NLRP2: variants seen among roughly 807,000 people sequenced by gnomAD.
NLRP2 encodes NLR family pyrin domain containing 2.
Under a neutral mutation model 97.2 loss-of-function variants are expected in NLRP2, and 107 were observed. That is an observed-to-expected ratio of 1.10 (90% CI 0.94 to 1.29). NLRP2 has a LOEUF of 1.29. Among genes scored for constraint, NLRP2 ranks in the 50% most tolerant of loss-of-function variants. NLRP2 has a pLI of 0.00. For synonymous variants in NLRP2, 663 were observed against 551.5 expected, an observed-to-expected ratio of 1.20 and a Z score of -2.83; for missense variants, 1,495 against 1,330.3, an observed-to-expected ratio of 1.12 and a Z score of -1.93.
At chr19:54,977,921 CTT>C in intron 4 of NLRP2, 98 bp downstream of exon 4, 2 of 1,101,242 alleles carry the variant, frequency 1.8e-6, no homozygotes, top group South Asian at 1.3e-5. Context: ...TCTCTCCAAT[CTT>C]TTCCTCCACT....
chr19:54,973,531 A>G (rs1356819432), intron 2 of NLRP2, among the ~76,000 whole-genome samples: 1 of 151,730 alleles, frequency 6.6e-6, no homozygotes, highest in East Asian at 1.9e-4. Flanking sequence ...GCCTACCACC[A>G]TGCCCGCTAA....
chr19:54,998,631 C>CTTTTTTTT (rs1179005483), intron 12 of NLRP2, among the ~76,000 whole-genome samples: 9 of 61,124 alleles, frequency 1.5e-4, no homozygotes, highest in South Asian at 6.8e-4. Flanking sequence ...TTTTTTTTTC[C>CTTTTTTTT]TTTTTTTTTT....
chr19:54,998,644 T>G, intron 12 of NLRP2, among the ~76,000 whole-genome samples: 1 of 138,278 alleles, frequency 7.2e-6, no homozygotes, highest in Non-Finnish European at 1.6e-5. Flanking sequence ...TTTTTTTTTT[T>G]TTTTTTTTAT....
intron 3 of NLRP2, 74 bp from the exon 4 acceptor site, chr19:54,977,678 G>A: frequency 1.2e-5 from 17 of 1,400,680 alleles, no homozygotes; most frequent in South Asian, 2.3e-5. Context: ...GAGACTCAGG[G>A]GTCCAACTTG....
intron 12 of NLRP2, among the ~76,000 whole-genome samples, chr19:54,999,293 A>G (rs1007049210): frequency 6.6e-6 from 1 of 152,186 alleles, no homozygotes; most frequent in Non-Finnish European, 1.5e-5. Flanking sequence ...GACTACAGGC[A>G]TGTGCCACCA....
At chr19:54,991,965 C>T (rs1246942704) in intron 10 of NLRP2, among the ~76,000 whole-genome samples, 1 of 146,536 alleles carries the variant, frequency 6.8e-6, no homozygotes, top group Non-Finnish European at 1.5e-5. Flanking sequence ...TACTCTTGCC[C>T]ACGCTGGCAA....
chr19:54,966,825 C>CTTTTTTTTTTTTTTTTTTTTTT (rs1044701142), intron 1 of NLRP2, among the ~76,000 whole-genome samples: 7 of 74,996 alleles, frequency 9.3e-5, no homozygotes, highest in Non-Finnish European at 9.6e-5. Context: ...CGCGCCCAGC[C>CTTTTTTTTTTTTTTTTTTTTTT]TTTTTTTTTT....
intron 11 of NLRP2, among the ~76,000 whole-genome samples, chr19:54,996,699 G>A (rs888558430): frequency 6.6e-6 from 1 of 151,720 alleles, no homozygotes; most frequent in African/African-American, 2.4e-5. Context: ...TCTATTTTAC[G>A]TGTCAGTCAC....
chr19:54,984,658 C>G (rs1389828168), intron 6 of NLRP2, among the ~76,000 whole-genome samples: 1 of 150,674 alleles, frequency 6.6e-6, no homozygotes, highest in African/African-American at 2.4e-5. Flanking sequence ...AATTTTTGTA[C>G]TTTTAGTAGA....
Position 54,989,962 on chromosome 19 carries a change from A to G in NLRP2, c.2367-60A>G, listed in dbSNP as rs572018390. ...GCCGAGATTGCGCCACCTGGGCAAC[A>G]AGAGTGAGACTCAGTCTCAAAAAAA... On this transcript the variant is annotated intron_variant, in intron 8 of 12. Coordinates refer to ENST00000448584, the MANE Select transcript of NLRP2 (RefSeq NM_017852.5). 835 of 1,584,074 alleles carry G rather than the reference A, an allele frequency of 5.3e-4. 12 individuals carry two copies. In the South Asian group the frequency reaches 8.5e-3, roughly 16 times the overall value.
intron 3 of NLRP2, among the ~76,000 whole-genome samples, chr19:54,975,743 C>T (rs550522030): frequency 5.3e-5 from 8 of 152,126 alleles, no homozygotes; most frequent in South Asian, 4.2e-4. Context: ...TGAGCCACCG[C>T]GCCCGGCCCC....
chr19:54,978,254 G>A (rs2071372337), intron 4 of NLRP2, among the ~76,000 whole-genome samples: 1 of 133,618 alleles, frequency 7.5e-6, no homozygotes, highest in Non-Finnish European at 1.6e-5. Context: ...TTTTTTTTGA[G>A]ACGAAGTCTT....
Position 54,981,928 on chromosome 19 carries a change from G to A in NLRP2, c.464-234G>A, listed in dbSNP as rs568945714. On this transcript the variant is annotated intron_variant, in intron 5 of 12. Coordinates refer to ENST00000448584, the MANE Select transcript of NLRP2 (RefSeq NM_017852.5). ...CGAGTAGCTGGGATTACAGGCATGC[G>A]CCACCATGACTGGCTAATTTTTTAT... Among the ~76,000 whole-genome samples the A allele has an allele frequency of 3.3e-5, 5 of 152,164 alleles. No homozygotes were observed. In the East Asian group the frequency reaches 5.8e-4, roughly 18 times the overall value.
At chr19:54,993,921 G>C (rs77893935) in intron 10 of NLRP2, 9,450 of 372,596 alleles carry the variant, frequency 0.025, 182 homozygotes, top group Non-Finnish European at 0.033. Flanking sequence ...ATCTTCAAAC[G>C]TTGCCCTGGC....
chr19:54,976,416 A>G (rs963264388), intron 3 of NLRP2, among the ~76,000 whole-genome samples: 3 of 147,520 alleles, frequency 2.0e-5, no homozygotes, highest in Non-Finnish European at 4.5e-5. Flanking sequence ...CAGTGGTACA[A>G]TCTCACTGCA....
intron 7 of NLRP2, among the ~76,000 whole-genome samples, 193 bp downstream of exon 7, chr19:54,985,410 G>T (rs11673596): frequency 2.6e-5 from 4 of 152,062 alleles, no homozygotes; most frequent in Non-Finnish European, 5.9e-5. Context: ...GGGCATGGTG[G>T]TTCACACTTG....
chr19:54,994,125 G>A, intron 10 of NLRP2, 144 bp from the exon 11 acceptor site: 1 of 905,172 alleles, frequency 1.1e-6, no homozygotes. Flanking sequence ...CCATTCTTCT[G>A]TCCACCACAC....
intron 10 of NLRP2, chr19:54,991,006 C>T: frequency 1.3e-5 from 5 of 373,868 alleles, no homozygotes; most frequent in South Asian, 6.3e-5. Context: ...CCTGCCTTGG[C>T]CTCCCAAAGT....
In NLRP2 at chr19:55,000,969, TCTC is replaced by T; in HGVS notation, c.*76_*78del. On this transcript the variant is annotated 3_prime_UTR_variant, in exon 13 of 13. Coordinates refer to ENST00000448584, the MANE Select transcript of NLRP2 (RefSeq NM_017852.5). Reference sequence around the variant, plus strand: ...GTGTTGGTGAACTGCCTGTGACTCCTCTCCTCCCCGGCCCCTACCCCTCAGGGA... The same window carrying T: ...GTGTTGGTGAACTGCCTGTGACTCCTCTCCCCGGCCCCTACCCCTCAGGGA... 4.2e-6 allele frequency: 6 copies of T among 1,421,126 alleles called. No homozygotes were observed. In the South Asian group the frequency reaches 6.9e-5, roughly 16 times the overall value. 88.0% of individuals were successfully genotyped at this position (1,421,126 alleles called of 1,614,324 possible).
Sources: allele counts gnomAD v4.1 joint callset (sites outside exome capture counted in the v4.1 genomes callset), GRCh38; gene constraint gnomAD v4.1.1; transcripts MANE v1.5; gene names NCBI Gene and HGNC (gene_info 2026-07-23, HGNC 2026-07-21).